The following CLPTM1 variants were observed in gnomAD, a reference collection of about 807,000 sequenced individuals.
CLPTM1 encodes putative lipid scramblase CLPTM1.
CLPTM1 carries 21 observed loss-of-function variants against 77.3 expected under a neutral mutation model. The ratio of observed to expected loss-of-function variants is 0.27; its 90% CI spans 0.19 to 0.39. The LOEUF is 0.39. CLPTM1 is among the 10% of genes least tolerant of loss of function. The probability of loss-of-function intolerance (pLI) is 1.00; values close to 1 mark genes in which losing one functional copy is unlikely to be tolerated. For synonymous variants in CLPTM1, 373 were observed against 381.0 expected (o/e 0.98, Z 0.24); for missense variants, 642 against 921.2 (o/e 0.70, Z 3.92).
chr19:44,978,024 C>T (rs199736208), intron 5 of CLPTM1, among the ~76,000 whole-genome samples: 11 of 151,958 alleles, frequency 7.2e-5, no homozygotes, highest in East Asian at 1.9e-4. Context: ...GTGGGAGGAT[C>T]GCTTGAGCCC....
Position 44,985,252 on chromosome 19 carries a change from A to G in CLPTM1, c.621A>G (p.Lys207=), listed in dbSNP as rs1387915551. The G allele has an allele frequency of 6.2e-7, 1 of 1,614,082 alleles. No individual in the cohort carries two copies. Among genetic ancestry groups the G allele is most frequent in the South Asian group, 1.1e-5 (1 of 91,076 alleles). ...INKYKRRRFQ[K]TKNLLTGETE... is the part of the protein sequence containing the mutation. ...AATACAAGCGCAGACGATTTCAGAA[A>G]ACCAAGAACCTGCTGACAGGAGAGA... The change falls in exon 6 of 14, where the codon AAA becomes AAG. Residue 207 remains lysine, a synonymous_variant. Coordinates refer to ENST00000337392, the MANE Select transcript of CLPTM1 (RefSeq NM_001294.4).
At chr19:44,955,247 A>G (rs543974152), upstream of CLPTM1, 1 of 1,494,216 alleles carries the variant, frequency 6.7e-7, no homozygotes, top group Non-Finnish European at 8.9e-7. Context: ...CATAGCCGGA[A>G]GTGGCCTTCC....
chr19:44,992,766 C>T lies in CLPTM1; in HGVS notation c.1879C>T (p.Pro627Ser). 6.2e-7 allele frequency: 1 copy of T among 1,612,398 alleles called. No individual in the cohort carries two copies. The highest frequency in any genetic ancestry group is 8.5e-7 in the Non-Finnish European group (1 of 1,179,838). Residue 627 changes from proline (P) to serine (S), a missense_variant, in exon 14 of 14, where the codon CCC becomes TCC. By Grantham distance (74) the Pro-to-Ser change is moderately conservative. Around this residue, in one of 2 missense-constraint regions of CLPTM1, gnomAD observed 521 missense variants for 800.4 expected, o/e 0.65. Transcript: ENST00000337392. This position sits in a 1 kb window ranked among gnomAD's most constrained non-coding sequence, Gnocchi z 7.7. ...AGGGGCCCTCACGCCCACACCTGCA[C>T]CCACCACGACCACCGCCACCAGGGA... ...AAGALTPTPAPTTTTATREEA... is the reference protein window; with the variant it reads ...AAGALTPTPASTTTTATREEA...
intron 6 of CLPTM1, 59 bp downstream of exon 6, chr19:44,985,362 C>G: frequency 8.4e-7 from 1 of 1,186,758 alleles, no homozygotes; most frequent in Non-Finnish European, 1.3e-6. Context: ...CACAGCTCAT[C>G]CCAGACCACT....
rs1284843228 is a variant in CLPTM1, at chr19:44,992,969, T to C, written c.*72T>C. 1.5e-5 allele frequency: 23 copies of C among 1,520,818 alleles called. No homozygotes were observed. The highest frequency in any genetic ancestry group is 2.0e-5 in the Non-Finnish European group (22 of 1,121,744). 94.2% of individuals were successfully genotyped at this position (1,520,818 alleles called of 1,614,324 possible). A position where few individuals can be genotyped will look rare whatever the true frequency, so the allele number is the denominator to read the frequency against. ...TGCGTCCCGGCCCCCTCGCCTCCCC[T>C]CCCTGTCGCCCTTTCCCTGGACAGA... On this transcript the variant is annotated 3_prime_UTR_variant, in exon 14 of 14. Coordinates refer to ENST00000337392, the MANE Select transcript of CLPTM1 (RefSeq NM_001294.4). This position sits in a 1 kb window ranked among gnomAD's most constrained non-coding sequence, Gnocchi z 7.7.
rs1191545366 is a variant in CLPTM1 at position 44,990,416 on chromosome 19, G to C, written c.1154G>C (p.Arg385Pro). 6.2e-7 allele frequency: 1 copy of C among 1,613,982 alleles called. No homozygotes were observed. Among genetic ancestry groups the C allele is most frequent in the Non-Finnish European group, 8.5e-7 (1 of 1,179,940 alleles). ...FKNDIQFWNS[R>P]QSLEGLSVRS... is the part of the protein sequence containing the mutation. ...ACAGATATCCAGTTCTGGAACAGCC[G>C]GCAGTCCCTGGAGGGCCTGTCCGTG... The change falls in exon 10 of 14, where the codon CGG (arginine) becomes CCG (proline). Residue 385 changes from arginine (R) to proline (P), a missense_variant. By Grantham distance (103) the Arg-to-Pro change is moderately radical. This residue lies in a region of CLPTM1 where 521 missense variants were observed against 800.4 expected (regional missense o/e 0.65). Coordinates refer to ENST00000337392, the MANE Select transcript of CLPTM1 (RefSeq NM_001294.4). This position sits in a 1 kb window ranked among gnomAD's most constrained non-coding sequence, Gnocchi z 4.8.
intron 1 of CLPTM1, 144 bp downstream of exon 1, chr19:44,955,611 CGGACCGCCCG>C (rs1970450713): frequency 2.9e-6 from 2 of 695,802 alleles, no homozygotes; most frequent in Non-Finnish European, 1.9e-6. Flanking sequence ...CAGGCAGGGC[CGGACCGCCCG>C]GGAGGCCGGA....
chr19:44,974,017 G>T (rs1016445944), intron 3 of CLPTM1, among the ~76,000 whole-genome samples: 1 of 152,058 alleles, frequency 6.6e-6, no homozygotes, highest in Admixed American at 6.6e-5. Flanking sequence ...ACCCGCCTTG[G>T]CCTCCCAACG....
In CLPTM1 at chr19:44,955,454, G is replaced by A. The variant is rs1167320603; in HGVS notation, c.59G>A (p.Gly20Asp). Reference sequence around the variant, plus strand: ...AGCGCCGTGGTGGCGGCCGGGGGAGGCAGCTCCGGTCAGGTACGGAGGCCG... The same window carrying A: ...AGCGCCGTGGTGGCGGCCGGGGGAGACAGCTCCGGTCAGGTACGGAGGCCG... Reference protein sequence around the residue: ...ARSAVVAAGGGSSGQVTSNGS... With the variant: ...ARSAVVAAGGDSSGQVTSNGS... The change falls in exon 1 of 14, where the codon GGC (glycine) becomes GAC (aspartate). Residue 20 changes from glycine (G) to aspartate (D), a missense_variant. Around this residue, in one of 2 missense-constraint regions of CLPTM1, gnomAD observed 121 missense variants for 120.8 expected, o/e 1.00. Transcript: ENST00000337392. 15 of 1,331,994 alleles carry A rather than the reference G, an allele frequency of 1.1e-5. No individual in the cohort carries two copies. Among genetic ancestry groups the A allele is most frequent in the Non-Finnish European group, 1.2e-5 (13 of 1,043,342 alleles). 82.5% of individuals were successfully genotyped at this position (1,331,994 alleles called of 1,614,324 possible).
chr19:44,968,420 G>A (rs964812484), intron 2 of CLPTM1, among the ~76,000 whole-genome samples: 17 of 152,126 alleles, frequency 1.1e-4, no homozygotes, highest in Admixed American at 2.0e-4. Context: ...TTGATTATAC[G>A]TCTTTTCATA....
In CLPTM1 at chr19:44,991,142, G is replaced by C; in HGVS notation, c.1420-96G>C. ...GGCTACCTGGAAATTCCCCCTGCCC[G>C]GCCTGCCAGACCAGGTGTGGTGGGT... On this transcript the variant is annotated intron_variant, in intron 11 of 13. Coordinates refer to ENST00000337392, the MANE Select transcript of CLPTM1 (RefSeq NM_001294.4). The surrounding 1 kb of genome is among the most constrained non-coding windows in gnomAD (Gnocchi z 5.4). 6.3e-7 allele frequency: 1 copy of C among 1,576,212 alleles called. No individual in the cohort carries two copies. The highest frequency in any genetic ancestry group is 8.6e-7 in the Non-Finnish European group (1 of 1,158,398).
At position 44,985,291 on chromosome 19, in the gene CLPTM1, A is replaced by G; in HGVS notation, c.660A>G (p.Pro220=). ...TGACAGGAGAGACAGAAGCGGACCC[A>G]GAAATGATCAAGGTAAATGGGCAGG... ...NLLTGETEAD[P]EMIKRAEDYG... The change falls in exon 6 of 14, where the codon CCA becomes CCG. Residue 220 remains proline, a synonymous_variant. Transcript: ENST00000337392. The G allele has an allele frequency of 6.2e-7, 1 of 1,612,628 alleles. No homozygotes were observed. The highest frequency in any genetic ancestry group is 8.5e-7 in the Non-Finnish European group (1 of 1,178,740).
upstream of CLPTM1, chr19:44,955,055 G>T (rs1394805357): frequency 2.0e-6 from 3 of 1,535,740 alleles, no homozygotes; most frequent in East Asian, 7.3e-5. Flanking sequence ...AAGCGGACAG[G>T]ATGTCCCGAA....
intron 2 of CLPTM1, among the ~76,000 whole-genome samples, chr19:44,971,081 T>G (rs1159998949): frequency 6.6e-6 from 1 of 151,866 alleles, no homozygotes; most frequent in African/African-American, 2.4e-5. Flanking sequence ...TCCACCCACC[T>G]CGGCCTCCCA....
chr19:44,963,128 G>C (rs1970570953), intron 2 of CLPTM1, among the ~76,000 whole-genome samples: 1 of 139,796 alleles, frequency 7.2e-6, no homozygotes, highest in Non-Finnish European at 1.5e-5. Flanking sequence ...AGAATCGTTT[G>C]AACCCAGGAG....
At chr19:44,967,035 G>T (rs1600017135) in intron 2 of CLPTM1, among the ~76,000 whole-genome samples, 1 of 152,116 alleles carries the variant, frequency 6.6e-6, no homozygotes, top group African/African-American at 2.4e-5. Context: ...TAGAGACAGG[G>T]TTTCATCGTG....
rs773143592 is a variant in CLPTM1 at position 44,974,613 on chromosome 19, G to A, written c.468+16G>A. On this transcript the variant is annotated intron_variant, in intron 4 of 13. Transcript: ENST00000337392. Reference sequence around the variant, plus strand: ...TATCCCACAGGTGGGGGCAGCTCTCGGTTTCTGGCCCCATGGCTGCTTGAC... The same window carrying A: ...TATCCCACAGGTGGGGGCAGCTCTCAGTTTCTGGCCCCATGGCTGCTTGAC... 15 of 1,608,564 alleles carry A rather than the reference G, an allele frequency of 9.3e-6. No homozygotes were observed. Among genetic ancestry groups the A allele is most frequent in the Middle Eastern group, 1.6e-4 (1 of 6,076 alleles).
In CLPTM1 at chr19:44,993,150, A is replaced by G; in HGVS notation, c.*253A>G. On this transcript the variant is annotated 3_prime_UTR_variant, in exon 14 of 14. Transcript: ENST00000337392. ...CCCTGCCAGCCCAGCACCACTGGGAATCATGGTGAAGCTGATGCAGCGTTG... is the reference window on the plus strand; with the variant it reads ...CCCTGCCAGCCCAGCACCACTGGGAGTCATGGTGAAGCTGATGCAGCGTTG... The G allele has an allele frequency of 2.2e-6, 1 of 453,722 alleles. No homozygotes were observed. Among genetic ancestry groups the G allele is most frequent in the Non-Finnish European group, 4.3e-6 (1 of 233,546 alleles). 28.1% of individuals were successfully genotyped at this position (453,722 alleles called of 1,614,324 possible). A position where few individuals can be genotyped will look rare whatever the true frequency, so the allele number is the denominator to read the frequency against.
chr19:44,978,682 A>G (rs1485275498), intron 5 of CLPTM1, among the ~76,000 whole-genome samples: 2 of 152,188 alleles, frequency 1.3e-5, no homozygotes, highest in Non-Finnish European at 2.9e-5. Flanking sequence ...TACTCCCATG[A>G]TAACTCATTA....
Sources: allele counts gnomAD v4.1 joint callset (sites outside exome capture counted in the v4.1 genomes callset), GRCh38; gene constraint gnomAD v4.1.1; regional missense constraint gnomAD v4.1.1; non-coding constraint Gnocchi (gnomAD v3.1); transcripts MANE v1.5; gene names NCBI Gene and HGNC (gene_info 2026-07-23, HGNC 2026-07-21).